The following SLC27A6 variants were observed in gnomAD, a reference collection of about 807,000 sequenced individuals.
The protein encoded by SLC27A6 is solute carrier family 27 member 6.
SLC27A6 carries 74 observed loss-of-function variants against 63.9 expected under a neutral mutation model. The ratio of observed to expected loss-of-function variants is 1.16; its 90% CI spans 0.96 to 1.40. The LOEUF is 1.40. SLC27A6 is among the 40% of genes most tolerant of loss of function. SLC27A6 has a pLI of 0.00. For synonymous variants in SLC27A6, 287 were observed against 260.8 expected, an observed-to-expected ratio of 1.10 and a Z score of -0.97; for missense variants, 794 against 732.9, an observed-to-expected ratio of 1.08 and a Z score of -0.96.
intron 4 of SLC27A6, among the ~76,000 whole-genome samples, chr5:129,003,889 G>A (rs1751429923): frequency 2.7e-5 from 4 of 149,420 alleles, no homozygotes; most frequent in Admixed American, 2.0e-4. Context: ...GATTGCTTGA[G>A]CATGAGAGGT....
At position 128,998,121 on chromosome 5, in the gene SLC27A6, A is replaced by G. The variant is rs909874466; in HGVS notation, c.969+7657A>G. Reference sequence around the variant, plus strand: ...ATAGTGACAGTCCCATCTCTACAAAAAAAAAAAAAAAAAAAAAATTAGCCA... The same window carrying G: ...ATAGTGACAGTCCCATCTCTACAAAGAAAAAAAAAAAAAAAAAATTAGCCA... On this transcript the variant is annotated intron_variant, in intron 4 of 9. Coordinates refer to ENST00000262462, the MANE Select transcript of SLC27A6 (RefSeq NM_001017372.3). 2.0e-3 allele frequency among the ~76,000 whole-genome samples: 301 copies of G among 149,356 alleles called. 2 individuals carry two copies. The highest frequency in any genetic ancestry group is 7.0e-3 in the African/African-American group (287 of 40,892).
chr5:128,991,500 G>C (rs1750981521), intron 4 of SLC27A6, among the ~76,000 whole-genome samples: 1 of 152,152 alleles, frequency 6.6e-6, no homozygotes, highest in African/African-American at 2.4e-5. Flanking sequence ...ACTGTGTTTA[G>C]ACTAAAATTA....
chr5:128,997,196 A>G lies in SLC27A6; in HGVS notation c.969+6732A>G, dbSNP rs938629173. On this transcript the variant is annotated intron_variant, in intron 4 of 9. Transcript: ENST00000262462. ...AATGTAAACTTTAATTGTTATCAAG[A>G]TATTCTGATATAGTTTCATTACAAT... Among the ~76,000 whole-genome samples, 53 of 152,176 alleles carry G rather than the reference A, an allele frequency of 3.5e-4. 1 individual carries two copies. Among genetic ancestry groups the G allele is most frequent in the Admixed American group, 1.4e-3 (21 of 15,268 alleles).
intron 2 of SLC27A6, 57 bp downstream of exon 2, chr5:128,985,393 G>A: frequency 6.9e-7 from 1 of 1,452,356 alleles, no homozygotes; most frequent in Non-Finnish European, 9.6e-7. Context: ...CAAAGCAACA[G>A]TGTTGGGCAA....
At chr5:128,966,674 C>A in intron 1 of SLC27A6, 56 bp downstream of exon 1, 1 of 1,370,650 alleles carries the variant, frequency 7.3e-7, no homozygotes, top group Non-Finnish European at 9.5e-7. Flanking sequence ...TGCTTTCATA[C>A]CCTTTTTTTT....
intron 1 of SLC27A6, among the ~76,000 whole-genome samples, chr5:128,970,338 C>G (rs1477874461): frequency 6.6e-6 from 1 of 152,120 alleles, no homozygotes; most frequent in Non-Finnish European, 1.5e-5. Flanking sequence ...GGAATGGTAC[C>G]AATTCCTGTT....
At chr5:128,999,532 C>T (rs1218235243) in intron 4 of SLC27A6, among the ~76,000 whole-genome samples, 1 of 152,150 alleles carries the variant, frequency 6.6e-6, no homozygotes, top group Non-Finnish European at 1.5e-5. Flanking sequence ...TGTCTTCTCC[C>T]TTGATTTCTA....
intron 4 of SLC27A6, among the ~76,000 whole-genome samples, chr5:129,011,980 T>G (rs578163928): frequency 3.3e-5 from 5 of 152,126 alleles, no homozygotes; most frequent in Admixed American, 3.3e-4. Flanking sequence ...TATAGATATA[T>G]CTATATATGG....
At chr5:129,006,117 T>C (rs1425489092) in intron 4 of SLC27A6, among the ~76,000 whole-genome samples, 1 of 130,972 alleles carries the variant, frequency 7.6e-6, no homozygotes, top group East Asian at 2.7e-4. Flanking sequence ...CTCGCTGTGT[T>C]GCCCAGACTG....
At chr5:129,026,199 A>G (rs1190061189) in intron 6 of SLC27A6, among the ~76,000 whole-genome samples, 1 of 152,134 alleles carries the variant, frequency 6.6e-6, no homozygotes, top group Non-Finnish European at 1.5e-5. Flanking sequence ...AACTTCATCT[A>G]GCCGCATGAA....
At chr5:128,970,432 C>G (rs1450670155) in intron 1 of SLC27A6, among the ~76,000 whole-genome samples, 3 of 152,208 alleles carry the variant, frequency 2.0e-5, no homozygotes, top group Non-Finnish European at 4.4e-5. Context: ...GCCTCAATTT[C>G]AGAGCCTGTT....
Position 129,016,036 on chromosome 5 carries a change from C to T in SLC27A6, c.1121C>T (p.Thr374Ile). 1 of 1,598,128 alleles carries T rather than the reference C, an allele frequency of 6.3e-7. No individual in the cohort carries two copies. Among genetic ancestry groups the T allele is most frequent in the African/African-American group, 1.4e-5 (1 of 73,662 alleles). ...TESSISFMNYTGRIGAIGRTN... is the reference protein window; with the variant it reads ...TESSISFMNYIGRIGAIGRTN... ...TCAAGCATATCTTTCATGAACTACACTGGGAGAATTGGAGCAATTGGGAGA... is the reference window on the plus strand; with the variant it reads ...TCAAGCATATCTTTCATGAACTACATTGGGAGAATTGGAGCAATTGGGAGA... The change falls in exon 5 of 10, where the codon ACT becomes ATT. Residue 374 changes from threonine (T) to isoleucine (I), a missense_variant. Transcript: ENST00000262462.
intron 1 of SLC27A6, among the ~76,000 whole-genome samples, chr5:128,979,725 T>C (rs1382336414): frequency 1.3e-5 from 2 of 152,164 alleles, no homozygotes; most frequent in South Asian, 2.1e-4. Flanking sequence ...ATATAATGTA[T>C]AAATTGTGTT....
chr5:129,023,186 G>A (rs1252409562), intron 5 of SLC27A6, among the ~76,000 whole-genome samples: 1 of 151,814 alleles, frequency 6.6e-6, no homozygotes, highest in East Asian at 1.9e-4. Context: ...ATACTGTGAG[G>A]AAAAAATAAC....
chr5:129,015,651 A>G (rs773963279), intron 4 of SLC27A6, among the ~76,000 whole-genome samples: 1 of 152,176 alleles, frequency 6.6e-6, no homozygotes, highest in South Asian at 2.1e-4. Flanking sequence ...GTGATCTGCA[A>G]TTTAGAATGA....
At chr5:128,976,235 G>A (rs1337825163) in intron 1 of SLC27A6, among the ~76,000 whole-genome samples, 2 of 152,106 alleles carry the variant, frequency 1.3e-5, no homozygotes, top group Non-Finnish European at 2.9e-5. Flanking sequence ...GGGGGCCAGC[G>A]CGGTGGCTCA....
At chr5:128,972,213 C>T (rs556620510) in intron 1 of SLC27A6, among the ~76,000 whole-genome samples, 8 of 152,266 alleles carry the variant, frequency 5.3e-5, no homozygotes, top group African/African-American at 1.9e-4. Flanking sequence ...TTCATTTCAA[C>T]TTTGGTGAAT....
intron 3 of SLC27A6, 86 bp downstream of exon 3, chr5:128,988,844 A>T: frequency 9.5e-7 from 1 of 1,055,044 alleles, no homozygotes; most frequent in Non-Finnish European, 1.4e-6. Flanking sequence ...CTGTATCGGT[A>T]GAATTTAGAG....
intron 4 of SLC27A6, among the ~76,000 whole-genome samples, chr5:129,001,344 C>T (rs1249118481): frequency 1.3e-5 from 2 of 152,144 alleles, no homozygotes; most frequent in Non-Finnish European, 2.9e-5. Context: ...TTTAGTGTTA[C>T]TTCTTACTGG....
Sources: allele counts gnomAD v4.1 joint callset (sites outside exome capture counted in the v4.1 genomes callset), GRCh38; gene constraint gnomAD v4.1.1; transcripts MANE v1.5; gene names NCBI Gene and HGNC (gene_info 2026-07-23, HGNC 2026-07-21).